MAPK8IP3: variants seen among roughly 807,000 people sequenced by gnomAD.
MAPK8IP3 encodes the protein C-Jun-amino-terminal kinase-interacting protein 3.
MAPK8IP3 carries 49 observed loss-of-function variants against 157.8 expected under a neutral mutation model. The ratio of observed to expected loss-of-function variants is 0.31; its 90% CI spans 0.25 to 0.39. The LOEUF (loss-of-function observed/expected upper bound fraction) is 0.39. Ranked by LOEUF, MAPK8IP3 falls within the 10% of genes least tolerant of loss-of-function variation. MAPK8IP3 has a pLI of 1.00. For synonymous variants in MAPK8IP3, 897 were observed against 777.7 expected (o/e 1.15, Z -2.55); for missense variants, 1,478 against 1,889.4 (o/e 0.78, Z 4.04).
rs190316360 is a variant in MAPK8IP3, at chr16:1,767,701, C to T, written c.3375C>T (p.Asp1125=). ...CACACACGCACCAGCATCTACAGGA[C>T]GTGGACATTGAGCCCTACGTCAGCA... The part of the protein sequence containing the change: ...YHAHTHQHLQ[D]VDIEPYVSKM... Residue 1125 remains aspartate, a synonymous_variant, in exon 27 of 32, where the codon GAC becomes GAT. Transcript: ENST00000610761. 3.0e-5 allele frequency: 48 copies of T among 1,612,770 alleles called. No individual in the cohort carries two copies. The highest frequency in any genetic ancestry group is 4.5e-5 in the East Asian group (2 of 44,882).
In MAPK8IP3 at chr16:1,743,288, C is replaced by A; in HGVS notation, c.603-44C>A. 1 of 1,493,676 alleles carries A rather than the reference C, an allele frequency of 6.7e-7. No individual in the cohort carries two copies. Among genetic ancestry groups the A allele is most frequent in the Non-Finnish European group, 8.9e-7 (1 of 1,126,958 alleles). The allele number at this position is 1,493,676 out of a possible 1,614,324, so 92.5% of individuals were successfully genotyped here. On this transcript the variant is annotated intron_variant, in intron 4 of 31. Coordinates refer to ENST00000610761, the MANE Select transcript of MAPK8IP3 (RefSeq NM_001318852.2). This position sits in a 1 kb window ranked among gnomAD's most constrained non-coding sequence, Gnocchi z 5.6. The stretch of plus-strand genomic sequence containing the variant: ...GGAGGGCTTGGGAAATCTTCACGGC[C>A]ACCCTCTAACCATCGCTTCCTCTCC...
rs1596684788 is a variant in MAPK8IP3, at chr16:1,742,850, C to T, written c.603-482C>T. ...TTTAAAATTGAACTTAGGCCGGGCG[C>T]GGTGGCTCACGCCTGTAATCCCAGC... On this transcript the variant is annotated intron_variant, in intron 4 of 31. Coordinates refer to ENST00000610761, the MANE Select transcript of MAPK8IP3 (RefSeq NM_001318852.2). This position sits in a 1 kb window ranked among gnomAD's most constrained non-coding sequence, Gnocchi z 5.0. 1.3e-5 allele frequency among the ~76,000 whole-genome samples: 2 copies of T among 152,102 alleles called. No homozygotes were observed. The highest frequency in any genetic ancestry group is 2.9e-5 in the Non-Finnish European group (2 of 68,028).
intron 8 of MAPK8IP3, among the ~76,000 whole-genome samples, chr16:1,756,258 G>C (rs1465350497): frequency 1.3e-5 from 2 of 152,250 alleles, no homozygotes; most frequent in East Asian, 3.8e-4. Context: ...ACCAGGCCAG[G>C]GGCGGTGGCT....
Position 1,747,250 on chromosome 16 carries a change from C to A in MAPK8IP3, c.969C>A (p.Thr323=). The A allele has an allele frequency of 6.2e-7, 1 of 1,613,678 alleles. No homozygotes were observed. The part of the protein sequence containing the change: ...RDSRNMEVQV[T]QEMRNVSIGM... ...GCCGCAACATGGAAGTACAGGTCAC[C>A]CAGGAGATGCGCAACGTCAGTATAG... Residue 323 remains threonine, a synonymous_variant, in exon 6 of 32, where the codon ACC becomes ACA. Transcript: ENST00000610761.
chr16:1,719,664 T>A (rs1596558012), intron 1 of MAPK8IP3, among the ~76,000 whole-genome samples: 1 of 101,990 alleles, frequency 9.8e-6, no homozygotes. Flanking sequence ...AGACCCCATC[T>A]CTACAAAAAA....
rs1188402624 is a variant in MAPK8IP3, at chr16:1,710,309, A to G, written c.318+3652A>G. ...GAAACCCTGTCTCTACTAAAGAAAA[A>G]AAAAAGAAAAAAAAATTAGCCAGGT... On this transcript the variant is annotated intron_variant, in intron 1 of 31. Transcript: ENST00000610761. The surrounding 1 kb of genome is among the most constrained non-coding windows in gnomAD (Gnocchi z 4.1). 1.3e-5 allele frequency among the ~76,000 whole-genome samples: 2 copies of G among 151,782 alleles called. No individual in the cohort carries two copies. The highest frequency in any genetic ancestry group is 4.8e-5 in the African/African-American group (2 of 41,292).
At chr16:1,760,204 C>A in intron 11 of MAPK8IP3, 176 bp from the exon 12 acceptor site, 1 of 963,514 alleles carries the variant, frequency 1.0e-6, no homozygotes, top group Non-Finnish European at 1.5e-6. Flanking sequence ...TCTCCAGGAG[C>A]CTCTAACAAG....
chr16:1,730,837 T>C (rs1444236271), intron 4 of MAPK8IP3, among the ~76,000 whole-genome samples: 6 of 130,488 alleles, frequency 4.6e-5, no homozygotes, highest in Non-Finnish European at 1.6e-5. Flanking sequence ...AGTGAGACTC[T>C]GTCAAAAAAA....
At chr16:1,729,450 C>A (rs78065788) in intron 3 of MAPK8IP3, 37 bp from the exon 4 acceptor site, 73 of 1,575,238 alleles carry the variant, frequency 4.6e-5, no homozygotes, top group South Asian at 1.1e-4. Flanking sequence ...GACAGCCCCC[C>A]ACGGCAGCGC....
intron 4 of MAPK8IP3, among the ~76,000 whole-genome samples, chr16:1,733,270 G>A (rs1166199117): frequency 6.6e-6 from 1 of 152,116 alleles, no homozygotes; most frequent in Non-Finnish European, 1.5e-5. Flanking sequence ...AGTGTGCCCA[G>A]CTCATCCCAG....
Position 1,768,740 on chromosome 16 carries a change from G to A in MAPK8IP3, c.3930G>A (p.Gly1310=), listed in dbSNP as rs1320401224. 3 of 1,612,678 alleles carry A rather than the reference G, an allele frequency of 1.9e-6. No individual in the cohort carries two copies. The highest frequency in any genetic ancestry group is 2.5e-6 in the Non-Finnish European group (3 of 1,179,870). ...ACGACGAGACGGAGGAGGGCGCAGGGGACATGAGCCAGGTGAAGCCCGTGC... is the reference window on the plus strand; with the variant it reads ...ACGACGAGACGGAGGAGGGCGCAGGAGACATGAGCCAGGTGAAGCCCGTGC... The part of the protein sequence containing the change: ...GEDDETEEGA[G]DMSQVKPVLS... Residue 1310 remains glycine, a synonymous_variant, in exon 32 of 32, where the codon GGG becomes GGA. Transcript: ENST00000610761.
chr16:1,748,763 C>T, intron 8 of MAPK8IP3, 43 bp downstream of exon 8: 4 of 1,501,620 alleles, frequency 2.7e-6, no homozygotes, highest in Non-Finnish European at 3.7e-6. Context: ...CTGCACAATG[C>T]TGGGGCTTTC....
In MAPK8IP3 at chr16:1,768,319, A is replaced by C; in HGVS notation, c.3683A>C (p.Gln1228Pro). ...TTCATCCCCTACTGCTCCATGGCCC[A>C]GGCCCAGCTATGCTTCCATGGGCAC... The part of the protein sequence containing the change: ...SSFIPYCSMA[Q>P]AQLCFHGHRD... The change falls in exon 30 of 32, where the codon CAG (glutamine) becomes CCG (proline). Residue 1228 changes from glutamine to proline, a missense_variant. Gln to Pro is a moderately conservative substitution (Grantham distance 76). Coordinates refer to ENST00000610761, the MANE Select transcript of MAPK8IP3 (RefSeq NM_001318852.2). 1 of 1,608,816 alleles carries C rather than the reference A, an allele frequency of 6.2e-7. No individual in the cohort carries two copies. Among genetic ancestry groups the C allele is most frequent in the African/African-American group, 1.3e-5 (1 of 75,022 alleles).
At chr16:1,739,963 C>T (rs1295900384) in intron 4 of MAPK8IP3, among the ~76,000 whole-genome samples, 1 of 102,474 alleles carries the variant, frequency 9.8e-6, no homozygotes, top group African/African-American at 3.9e-5. Context: ...TGTGACCGTC[C>T]GTGTGAGCGT....
chr16:1,744,052 C>T (rs947721570), intron 5 of MAPK8IP3: 13 of 989,086 alleles, frequency 1.3e-5, no homozygotes, highest in African/African-American at 3.5e-5. Flanking sequence ...AGCCAGAGTG[C>T]GGGGGCCCCA....
At chr16:1,765,853 A>G in intron 20 of MAPK8IP3, 107 bp from the exon 21 acceptor site, 3 of 1,050,182 alleles carry the variant, frequency 2.9e-6, no homozygotes, top group Non-Finnish European at 4.2e-6. Flanking sequence ...GTCTGCTGGG[A>G]AAGTGGAAGG....
intron 3 of MAPK8IP3, 36 bp from the exon 4 acceptor site, chr16:1,729,451 A>ATGG: frequency 6.3e-7 from 1 of 1,578,664 alleles, no homozygotes; most frequent in Non-Finnish European, 8.7e-7. Flanking sequence ...ACAGCCCCCC[A>ATGG]CGGCAGCGCT....
chr16:1,721,341 C>T (rs542930387), intron 1 of MAPK8IP3, among the ~76,000 whole-genome samples: 3 of 152,238 alleles, frequency 2.0e-5, no homozygotes, highest in African/African-American at 7.2e-5. Context: ...TTGCTCATGC[C>T]TGTAATCCCA....
Position 1,767,911 on chromosome 16 carries a change from G to A in MAPK8IP3, c.3516G>A (p.Leu1172=), listed in dbSNP as rs1405426838. The change falls in exon 28 of 32, where the codon CTG becomes CTA. Residue 1172 remains leucine, a synonymous_variant. Transcript: ENST00000610761. ...TGNGVVISIP[L]TETVVLHRGQ... is the part of the protein sequence containing the mutation. ...ACGGAGTGGTCATCTCCATCCCCCTGACAGAGAGTGAGTGGCCTGCACACC... is the reference window on the plus strand; with the variant it reads ...ACGGAGTGGTCATCTCCATCCCCCTAACAGAGAGTGAGTGGCCTGCACACC... 6.2e-7 allele frequency: 1 copy of A among 1,611,002 alleles called. No individual in the cohort carries two copies. The highest frequency in any genetic ancestry group is 8.5e-7 in the Non-Finnish European group (1 of 1,179,784).
Sources: allele counts gnomAD v4.1 joint callset (sites outside exome capture counted in the v4.1 genomes callset), GRCh38; gene constraint gnomAD v4.1.1; non-coding constraint Gnocchi (gnomAD v3.1); transcripts MANE v1.5; gene names NCBI Gene and HGNC (gene_info 2026-07-23, HGNC 2026-07-21).